Variants in SPON1 observed in about 807,000 individuals in gnomAD.
SPON1 encodes spondin 1, also known as spondin-1.
Under a neutral mutation model 111.7 loss-of-function variants are expected in SPON1, and 52 were observed. The observed-to-expected ratio is 0.47, with a 90% CI of 0.37 to 0.59. The LOEUF is 0.59. SPON1 is among the 20% of genes least tolerant of loss of function. The pLI is 0.00. For synonymous variants in SPON1, 410 were observed against 395.8 expected (o/e 1.04, Z -0.43); for missense variants, 957 against 1,068.5 (o/e 0.90, Z 1.46).
At chr11:14,000,416 A>G (rs1393054005) in intron 2 of SPON1, among the ~76,000 whole-genome samples, 1 of 152,082 alleles carries the variant, frequency 6.6e-6, no homozygotes, top group Non-Finnish European at 1.5e-5. Context: ...TATATGCTTG[A>G]TTGCTTATTA....
intron 6 of SPON1, among the ~76,000 whole-genome samples, chr11:14,171,343 C>T (rs1397616203): frequency 1.3e-5 from 2 of 151,980 alleles, no homozygotes; most frequent in African/African-American, 4.8e-5. Context: ...TACTGATATC[C>T]CCTTTGTCAT....
At chr11:14,072,910 T>C (rs1165297324) in intron 3 of SPON1, among the ~76,000 whole-genome samples, 1 of 152,172 alleles carries the variant, frequency 6.6e-6, no homozygotes, top group Non-Finnish European at 1.5e-5. Flanking sequence ...CTGCAGGCTC[T>C]GGGTAATGTG....
chr11:14,118,282 A>G (rs1299147676), intron 5 of SPON1, among the ~76,000 whole-genome samples: 1 of 152,210 alleles, frequency 6.6e-6, no homozygotes, highest in Non-Finnish European at 1.5e-5. Context: ...GTGGAGTATT[A>G]CACATTTGGA....
At chr11:14,086,214 G>C (rs782811353) in intron 5 of SPON1, among the ~76,000 whole-genome samples, 1 of 152,150 alleles carries the variant, frequency 6.6e-6, no homozygotes, top group Non-Finnish European at 1.5e-5. Context: ...GGGCATCCTT[G>C]TCTTGTGCTG....
At chr11:13,968,297 T>A (rs1848034838) in intron 1 of SPON1, among the ~76,000 whole-genome samples, 1 of 152,220 alleles carries the variant, frequency 6.6e-6, no homozygotes, top group Non-Finnish European at 1.5e-5. Flanking sequence ...TGGGAGGCTT[T>A]GCTCCATAAG....
At chr11:14,044,369 T>G (rs1554917637) in intron 3 of SPON1, among the ~76,000 whole-genome samples, 3 of 152,168 alleles carry the variant, frequency 2.0e-5, no homozygotes, top group African/African-American at 7.2e-5. Flanking sequence ...CCCAGCACTT[T>G]GGGAGGCTGA....
At chr11:14,188,138 C>T (rs992504281) in intron 6 of SPON1, among the ~76,000 whole-genome samples, 2 of 152,064 alleles carry the variant, frequency 1.3e-5, no homozygotes, top group Non-Finnish European at 2.9e-5. Flanking sequence ...AAACTCCTGA[C>T]CTCAGGTGAC....
intron 6 of SPON1, among the ~76,000 whole-genome samples, chr11:14,141,029 C>CCCCCCCCCCCCCCCCCCCCTCA (rs71041572): frequency 7.6e-6 from 1 of 132,274 alleles, no homozygotes; most frequent in Non-Finnish European, 1.6e-5. Context: ...GTGCCCCCCC[C>CCCCCCCCCCCCCCCCCCCCTCA]ATGCCCCACT....
chr11:13,984,037 C>G (rs191198600), intron 2 of SPON1, among the ~76,000 whole-genome samples: 1 of 152,076 alleles, frequency 6.6e-6, no homozygotes, highest in Non-Finnish European at 1.5e-5. Flanking sequence ...CCACGCTCAC[C>G]GTAATGTCCT....
chr11:14,003,612 CAGAA>C (rs1303313851), intron 2 of SPON1, among the ~76,000 whole-genome samples: 4 of 152,138 alleles, frequency 2.6e-5, no homozygotes, highest in Admixed American at 2.0e-4. Context: ...TATCAAGACA[CAGAA>C]AGAAAGCGGG....
intron 6 of SPON1, among the ~76,000 whole-genome samples, chr11:14,136,725 T>A (rs1847596875): frequency 6.6e-6 from 1 of 152,174 alleles, no homozygotes; most frequent in Non-Finnish European, 1.5e-5. Flanking sequence ...TGATTTGAAG[T>A]CTTTCCTCCT....
At chr11:14,033,163 A>G (rs983874342) in intron 2 of SPON1, among the ~76,000 whole-genome samples, 4 of 152,144 alleles carry the variant, frequency 2.6e-5, no homozygotes, top group African/African-American at 9.7e-5. Context: ...CCTGCTGTGG[A>G]TGCTATTCCA....
chr11:14,159,920 G>A (rs1227487358), intron 6 of SPON1, among the ~76,000 whole-genome samples: 2 of 151,512 alleles, frequency 1.3e-5, no homozygotes, highest in Non-Finnish European at 2.9e-5. Flanking sequence ...TGGGGGGGAT[G>A]GGGATGGTTA....
At chr11:14,042,258 A>G (rs1438761876) in intron 3 of SPON1, among the ~76,000 whole-genome samples, 2 of 152,236 alleles carry the variant, frequency 1.3e-5, no homozygotes, top group African/African-American at 4.8e-5. Context: ...GTGCCACAGA[A>G]TGATGGTTTG....
chr11:14,058,008 C>A (rs1420868769), intron 3 of SPON1, among the ~76,000 whole-genome samples: 1 of 151,954 alleles, frequency 6.6e-6, no homozygotes, highest in Non-Finnish European at 1.5e-5. Context: ...CAGAGTGAGA[C>A]CCTGTCTCAA....
intron 6 of SPON1, among the ~76,000 whole-genome samples, chr11:14,176,913 T>C (rs1237147879): frequency 6.6e-6 from 1 of 152,190 alleles, no homozygotes; most frequent in Non-Finnish European, 1.5e-5. Flanking sequence ...CAGAGCCGAT[T>C]ATTCAAGACA....
chr11:14,079,382 T>C lies in SPON1; in HGVS notation c.554-517T>C, dbSNP rs534596903. Among the ~76,000 whole-genome samples, 14 of 152,332 alleles carry C rather than the reference T, an allele frequency of 9.2e-5. No homozygotes were observed. In the East Asian group the frequency reaches 1.7e-3, roughly 19 times the overall value. ...TGATTATATATGCATGCCTCTTTTTTTTCTCCCTTCAGTAATTCTTTATCT... is the reference window on the plus strand; with the variant it reads ...TGATTATATATGCATGCCTCTTTTTCTTCTCCCTTCAGTAATTCTTTATCT... On this transcript the variant is annotated intron_variant, in intron 4 of 15. Transcript: ENST00000576479.
In SPON1 at chr11:13,962,781, C is replaced by T. The variant is rs964661049; in HGVS notation, c.-124C>T. 4 of 894,950 alleles carry T rather than the reference C, an allele frequency of 4.5e-6. No individual in the cohort carries two copies. The South Asian group carries it at 8.1e-5, about 18-fold the overall frequency. The allele number at this position is 894,950 out of a possible 1,614,324, so 55.4% of individuals were successfully genotyped here. A position where few individuals can be genotyped will look rare whatever the true frequency, so the allele number is the denominator to read the frequency against. Reference sequence around the variant, plus strand: ...GCGGGCACGGTCTCCGAGTCGCGGACGCCAGCTCCGAGCTCCCTCTCTCCG... The same window carrying T: ...GCGGGCACGGTCTCCGAGTCGCGGATGCCAGCTCCGAGCTCCCTCTCTCCG... On this transcript the variant is annotated 5_prime_UTR_variant, in exon 1 of 16. It adds an upstream start codon to the 5' untranslated region. Coordinates refer to ENST00000576479, the MANE Select transcript of SPON1 (RefSeq NM_006108.4).
At chr11:14,225,407 C>T (rs1331843441) in intron 6 of SPON1, among the ~76,000 whole-genome samples, 4 of 151,892 alleles carry the variant, frequency 2.6e-5, no homozygotes, top group Admixed American at 1.3e-4. Flanking sequence ...ATCCAAACAG[C>T]ATCCTCTCTC....
Sources: gnomAD v4.1 joint callset for allele counts (sites outside exome capture counted in the v4.1 genomes callset) on GRCh38, gnomAD v4.1.1 for gene constraint, MANE v1.5 for transcripts, NCBI Gene and HGNC (gene_info 2026-07-23, HGNC 2026-07-21) for gene names.